Variants in BRINP3 observed in about 807,000 individuals in gnomAD.
BRINP3 encodes the protein BMP/retinoic acid inducible neural specific 3.
Under a neutral mutation model 71.0 loss-of-function variants are expected in BRINP3, and 19 were observed. The ratio of observed to expected loss-of-function variants is 0.27; its 90% CI spans 0.19 to 0.39. The LOEUF (loss-of-function observed/expected upper bound fraction) is 0.39. Among genes scored for constraint, BRINP3 ranks in the 10% least tolerant of loss-of-function variants. The pLI is 1.00. For missense variants in BRINP3, 959 were observed against 940.8 expected, an observed-to-expected ratio of 1.02 and a Z score of -0.25; for synonymous variants, 380 against 337.7, an observed-to-expected ratio of 1.13 and a Z score of -1.37.
At chr1:190,215,773 AT>A (rs1379712334) in intron 6 of BRINP3, among the ~76,000 whole-genome samples, 1 of 151,926 alleles carries the variant, frequency 6.6e-6, no homozygotes, top group Non-Finnish European at 1.5e-5. Context: ...CATCAAATAA[AT>A]GTCTCTACAT....
chr1:190,243,666 A>G (rs957980308), intron 4 of BRINP3, among the ~76,000 whole-genome samples: 2 of 152,094 alleles, frequency 1.3e-5, no homozygotes, highest in Non-Finnish European at 2.9e-5. Flanking sequence ...AACCTGGTTC[A>G]GGGCTGTGGC....
At chr1:190,435,202 T>C (rs779367541) in intron 2 of BRINP3, among the ~76,000 whole-genome samples, 12 of 152,140 alleles carry the variant, frequency 7.9e-5, no homozygotes, top group Non-Finnish European at 1.5e-4. Flanking sequence ...TAAATCTCTA[T>C]CCTCTACAAA....
intron 2 of BRINP3, among the ~76,000 whole-genome samples, chr1:190,358,506 G>A (rs1668896557): frequency 6.6e-6 from 1 of 152,056 alleles, no homozygotes; most frequent in Non-Finnish European, 1.5e-5. Flanking sequence ...AAAAAGTCAG[G>A]GAACAACAGG....
chr1:190,241,921 A>G (rs1412265606), intron 4 of BRINP3, among the ~76,000 whole-genome samples: 4 of 151,786 alleles, frequency 2.6e-5, no homozygotes, highest in African/African-American at 7.2e-5. Context: ...ATAGTGCCTT[A>G]TAATATTTTT....
intron 6 of BRINP3, among the ~76,000 whole-genome samples, chr1:190,218,556 C>T (rs746716984): frequency 2.6e-4 from 39 of 152,084 alleles, no homozygotes; most frequent in Admixed American, 2.6e-4. Flanking sequence ...TCTACCACCT[C>T]AAATACTTAT....
chr1:190,359,262 C>T (rs1047788175), intron 2 of BRINP3, among the ~76,000 whole-genome samples: 3 of 152,020 alleles, frequency 2.0e-5, no homozygotes, highest in African/African-American at 2.4e-5. Flanking sequence ...CTTTTCTCAT[C>T]GCTCCTGGGA....
chr1:190,289,958 A>G (rs1663734575), intron 2 of BRINP3, among the ~76,000 whole-genome samples: 1 of 151,924 alleles, frequency 6.6e-6, no homozygotes, highest in Non-Finnish European at 1.5e-5. Flanking sequence ...TTAAGACTCA[A>G]ATGAATGACC....
intron 2 of BRINP3, among the ~76,000 whole-genome samples, chr1:190,373,678 G>T (rs950778681): frequency 2.0e-5 from 3 of 151,652 alleles, no homozygotes; most frequent in Admixed American, 6.6e-5. Flanking sequence ...TTGAGTTTTT[G>T]ATGTCAACAT....
chr1:190,188,864 G>A (rs544951146), intron 6 of BRINP3, among the ~76,000 whole-genome samples: 59 of 151,932 alleles, frequency 3.9e-4, no homozygotes, highest in African/African-American at 1.3e-3. Flanking sequence ...GGGTTCAAGC[G>A]ATTCTCCTGT....
At chr1:190,108,779 C>T (rs1652415700) in intron 7 of BRINP3, among the ~76,000 whole-genome samples, 1 of 151,602 alleles carries the variant, frequency 6.6e-6, no homozygotes, top group African/African-American at 2.4e-5. Context: ...CAAGACTTCT[C>T]ACTAACCAAA....
chr1:190,281,484 A>G lies in BRINP3; in HGVS notation c.427+76T>C, dbSNP rs547857845. 2.2e-5 allele frequency: 30 copies of G among 1,339,004 alleles called. No homozygotes were observed. The African/African-American group carries it at 4.0e-4, about 18-fold the overall frequency. The allele number at this position is 1,339,004 out of a possible 1,614,324, so 82.9% of individuals were successfully genotyped here. ...TATTCATACTGTAGCTATCTTGATT[A>G]ATTAACACTTTTCTGCGATTTATAC... On this transcript the variant is annotated intron_variant, in intron 3 of 7. Transcript: ENST00000367462.
At chr1:190,232,771 T>C (rs1193621290) in intron 5 of BRINP3, among the ~76,000 whole-genome samples, 1 of 152,076 alleles carries the variant, frequency 6.6e-6, no homozygotes, top group Non-Finnish European at 1.5e-5. Context: ...TGTTAGTAAA[T>C]AATTTTTATA....
intron 3 of BRINP3, among the ~76,000 whole-genome samples, chr1:190,265,562 A>AT (rs397793178): frequency 1.4e-5 from 2 of 147,750 alleles, no homozygotes; most frequent in African/African-American, 4.9e-5. Flanking sequence ...ATATATATAT[A>AT]AATTAGCCGG....
chr1:190,401,991 C>A (rs1012876462), intron 2 of BRINP3, among the ~76,000 whole-genome samples: 6 of 151,508 alleles, frequency 4.0e-5, no homozygotes, highest in Admixed American at 3.9e-4. Flanking sequence ...ATATGAACAA[C>A]TATATATATA....
Position 190,397,556 on chromosome 1 carries a change from C to G in BRINP3, c.236+57099G>C, listed in dbSNP as rs929995117. Among the ~76,000 whole-genome samples, 3 of 151,932 alleles carry G rather than the reference C, an allele frequency of 2.0e-5. No individual in the cohort carries two copies. In the South Asian group the frequency reaches 6.2e-4, roughly 31 times the overall value. On this transcript the variant is annotated intron_variant, in intron 2 of 7. Transcript: ENST00000367462. ...TTCTTTCATATTATGTTCTAATTCT[C>G]TCTACACTGAGAATGCCTTGAAACT...
chr1:190,427,577 A>G (rs1264080107), intron 2 of BRINP3, among the ~76,000 whole-genome samples: 1 of 152,020 alleles, frequency 6.6e-6, no homozygotes. Flanking sequence ...ATAATTGTTT[A>G]TTAATTAATG....
chr1:190,316,871 A>G (rs1302028058), intron 2 of BRINP3, among the ~76,000 whole-genome samples: 1 of 152,108 alleles, frequency 6.6e-6, no homozygotes, highest in Admixed American at 6.6e-5. Context: ...TTGGATTATC[A>G]TTTATTATGC....
intron 7 of BRINP3, among the ~76,000 whole-genome samples, chr1:190,126,311 C>T (rs1432012670): frequency 1.3e-5 from 2 of 151,850 alleles, no homozygotes; most frequent in Non-Finnish European, 2.9e-5. Flanking sequence ...TACATTGTAT[C>T]TCTGCACTTC....
intron 2 of BRINP3, among the ~76,000 whole-genome samples, chr1:190,291,374 G>A: frequency 6.6e-6 from 1 of 151,614 alleles, no homozygotes; most frequent in East Asian, 1.9e-4. Context: ...AACAACAAAG[G>A]AAATAATATA....
Sources: allele counts gnomAD v4.1 joint callset (sites outside exome capture counted in the v4.1 genomes callset), GRCh38; gene constraint gnomAD v4.1.1; transcripts MANE v1.5; gene names NCBI Gene and HGNC (gene_info 2026-07-23, HGNC 2026-07-21).